The following DENND1B variants were observed in gnomAD, a reference collection of about 807,000 sequenced individuals.
DENND1B encodes the protein DENN domain containing 1B.
A neutral mutation model predicts 90.1 loss-of-function variants in DENND1B; 59 were observed. The ratio of observed to expected loss-of-function variants is 0.65; its 90% CI spans 0.53 to 0.81. The LOEUF (loss-of-function observed/expected upper bound fraction) is 0.81, where lower values mean the gene tolerates loss of function less well. Among genes scored for constraint, DENND1B ranks in the 40% least tolerant of loss-of-function variants. The probability of loss-of-function intolerance (pLI) is 0.00; values close to 1 mark genes in which losing one functional copy is unlikely to be tolerated. For synonymous variants in DENND1B, 337 were observed against 324.6 expected (o/e 1.04, Z -0.41); for missense variants, 862 against 912.6 (o/e 0.94, Z 0.71).
chr1:197,527,524 C>T (rs555225304), intron 20 of DENND1B, among the ~76,000 whole-genome samples: 16 of 150,212 alleles, frequency 1.1e-4, no homozygotes, highest in South Asian at 2.1e-4. Context: ...TCAAGTGATC[C>T]GCCTGCCTCG....
chr1:197,690,188 C>T (rs891024640), intron 3 of DENND1B: 5 of 290,676 alleles, frequency 1.7e-5, no homozygotes, highest in African/African-American at 4.5e-5. Context: ...ATGTGGGCTT[C>T]GATGTCAAGA....
chr1:197,682,311 T>C (rs765612912), intron 3 of DENND1B, among the ~76,000 whole-genome samples: 16 of 152,098 alleles, frequency 1.1e-4, no homozygotes, highest in Non-Finnish European at 2.2e-4. Flanking sequence ...TCATAACTGA[T>C]TGTTCATTCA....
At chr1:197,715,270 A>G (rs1011225111) in intron 2 of DENND1B, among the ~76,000 whole-genome samples, 196 bp from the exon 3 acceptor site, 3 of 151,980 alleles carry the variant, frequency 2.0e-5, no homozygotes, top group Non-Finnish European at 4.4e-5. Flanking sequence ...AAGAAATGTA[A>G]TGACCTTCAA....
intron 15 of DENND1B, among the ~76,000 whole-genome samples, chr1:197,579,299 T>C (rs1163017013): frequency 6.6e-6 from 1 of 152,160 alleles, no homozygotes; most frequent in East Asian, 1.9e-4. Context: ...AGGTGTTTTG[T>C]TTGGCATAGA....
chr1:197,658,240 G>A (rs1654048441), intron 6 of DENND1B, 60 bp downstream of exon 6: 2 of 1,327,554 alleles, frequency 1.5e-6, no homozygotes, highest in South Asian at 2.5e-5. Context: ...TGGTTAAAAT[G>A]GTAAGTTTTG....
intron 3 of DENND1B, among the ~76,000 whole-genome samples, chr1:197,688,608 T>C (rs1323660964): frequency 4.6e-5 from 7 of 152,110 alleles, no homozygotes; most frequent in African/African-American, 1.7e-4. Context: ...GAAAACTGGA[T>C]GTCTACATGT....
intron 5 of DENND1B, among the ~76,000 whole-genome samples, chr1:197,660,928 T>C (rs1293725149): frequency 6.6e-6 from 1 of 151,940 alleles, no homozygotes; most frequent in Non-Finnish European, 1.5e-5. Context: ...TCTAAGACCA[T>C]GGAAGAACAG....
At chr1:197,608,198 T>C (rs1025449889) in intron 12 of DENND1B, among the ~76,000 whole-genome samples, 4 of 150,654 alleles carry the variant, frequency 2.7e-5, no homozygotes, top group African/African-American at 9.7e-5. Context: ...AATTAAAATT[T>C]CTCTGATTCA....
At chr1:197,758,243 C>T (rs988150075) in intron 2 of DENND1B, among the ~76,000 whole-genome samples, 3 of 152,182 alleles carry the variant, frequency 2.0e-5, no homozygotes, top group African/African-American at 7.2e-5. Flanking sequence ...TACCAAAATA[C>T]GTGTCTTCTA....
chr1:197,565,975 C>T (rs1334312429), intron 15 of DENND1B, among the ~76,000 whole-genome samples: 2 of 151,570 alleles, frequency 1.3e-5, no homozygotes, highest in Non-Finnish European at 2.9e-5. Context: ...TTTATAGCAG[C>T]ATGATTTATA....
rs1668050307 is a variant in DENND1B, at chr1:197,511,825, T to G, written c.1718A>C (p.Asp573Ala). The G allele has an allele frequency of 1.2e-6, 2 of 1,611,320 alleles. No homozygotes were observed. Among genetic ancestry groups the G allele is most frequent in the Non-Finnish European group, 1.7e-6 (2 of 1,178,322 alleles). ...GEMDLLGEIL[D>A]TLSTHSSDQG... Reference sequence around the variant, plus strand: ...ATCTGAGCTGTGTGTGCTCAATGTATCAAGAATCTCTCCTAGTAAGTCCAT... The same window carrying G: ...ATCTGAGCTGTGTGTGCTCAATGTAGCAAGAATCTCTCCTAGTAAGTCCAT... Residue 573 changes from aspartate (D) to alanine (A), a missense_variant, in exon 22 of 23, where the codon GAT becomes GCT. Coordinates refer to ENST00000620048, the MANE Select transcript of DENND1B (RefSeq NM_001195215.2).
chr1:197,725,814 T>C (rs745723942), intron 2 of DENND1B, among the ~76,000 whole-genome samples: 9 of 152,010 alleles, frequency 5.9e-5, no homozygotes, highest in Non-Finnish European at 1.0e-4. Context: ...AGCATTTGAA[T>C]AGAGAGGAGA....
In DENND1B at chr1:197,510,609, C is replaced by A; in HGVS notation, c.2179G>T (p.Val727Phe). 6.2e-7 allele frequency: 1 copy of A among 1,612,768 alleles called. No homozygotes were observed. Among genetic ancestry groups the A allele is most frequent in the Non-Finnish European group, 8.5e-7 (1 of 1,179,212 alleles). Residue 727 changes from valine to phenylalanine, a missense_variant, in exon 23 of 23, where the codon GTT becomes TTT. Physicochemically the swap from Val to Phe is conservative, Grantham distance 50. Coordinates refer to ENST00000620048, the MANE Select transcript of DENND1B (RefSeq NM_001195215.2). ...TCTTTCCCTTCTTTCTCCCAAGGAACAAAAGTCGATGAATGCCGCCCAAGA... is the reference window on the plus strand; with the variant it reads ...TCTTTCCCTTCTTTCTCCCAAGGAAAAAAAGTCGATGAATGCCGCCCAAGA... ...PGLGRHSSTF[V>F]PWEKEGKEAK...
At chr1:197,705,825 A>G (rs564009266) in intron 3 of DENND1B, among the ~76,000 whole-genome samples, 156 of 152,138 alleles carry the variant, frequency 1.0e-3, no homozygotes, top group African/African-American at 3.4e-3. Context: ...TCTTATTCCC[A>G]AGTCATGTCT....
chr1:197,632,432 C>T (rs529890551), intron 10 of DENND1B, among the ~76,000 whole-genome samples: 8 of 152,010 alleles, frequency 5.3e-5, no homozygotes, highest in South Asian at 2.1e-4. Flanking sequence ...AAATTCCTTT[C>T]GAGAATGAGG....
intron 15 of DENND1B, among the ~76,000 whole-genome samples, chr1:197,570,080 AT>A (rs1218193600): frequency 6.6e-6 from 1 of 151,986 alleles, no homozygotes; most frequent in African/African-American, 2.4e-5. Flanking sequence ...TATCATAAAT[AT>A]ATACAATTTT....
intron 10 of DENND1B, among the ~76,000 whole-genome samples, chr1:197,632,123 T>C (rs1679381518): frequency 6.6e-6 from 1 of 152,186 alleles, no homozygotes; most frequent in South Asian, 2.1e-4. Context: ...ATCTTTTAAC[T>C]GATCTCCTGT....
intron 20 of DENND1B, among the ~76,000 whole-genome samples, chr1:197,529,969 G>C (rs1428411047): frequency 6.6e-6 from 1 of 152,080 alleles, no homozygotes; most frequent in Non-Finnish European, 1.5e-5. Context: ...TGTTGGAACT[G>C]TCATCTTTAC....
intron 10 of DENND1B, among the ~76,000 whole-genome samples, chr1:197,638,706 T>A (rs1205539919): frequency 6.6e-6 from 1 of 152,174 alleles, no homozygotes; most frequent in Non-Finnish European, 1.5e-5. Context: ...TACACGAGAA[T>A]CTAATATGAT....
Sources: gnomAD v4.1 joint callset for allele counts (sites outside exome capture counted in the v4.1 genomes callset) on GRCh38, gnomAD v4.1.1 for gene constraint, MANE v1.5 for transcripts, NCBI Gene and HGNC (gene_info 2026-07-23, HGNC 2026-07-21) for gene names.